The following DHRSX variants were observed in gnomAD, a reference collection of about 807,000 sequenced individuals.
DHRSX encodes dehydrogenase/reductase X-linked.
A neutral mutation model predicts 34.0 loss-of-function variants in DHRSX; 31 were observed. The ratio of observed to expected loss-of-function variants is 0.91; its 90% CI spans 0.69 to 1.23. DHRSX has a LOEUF of 1.23. DHRSX is among the 50% of genes most tolerant of loss of function. DHRSX has a pLI of 0.00. For missense variants in DHRSX, 414 were observed against 428.1 expected (o/e 0.97, Z 0.29); for synonymous variants, 201 against 183.8 (o/e 1.09, Z -0.76).
chrX:2,272,512 C>T (rs35577397), intron 4 of DHRSX, among the ~76,000 whole-genome samples: 4,648 of 152,182 alleles, frequency 0.031, 246 homozygotes, highest in African/African-American at 0.11. Context: ...TGTAGAATGC[C>T]ACAGTGGTGT....
At chrX:2,257,394 G>A (rs1166164624) in intron 5 of DHRSX, among the ~76,000 whole-genome samples, 4 of 152,190 alleles carry the variant, frequency 2.6e-5, no homozygotes, top group Non-Finnish European at 5.9e-5. Flanking sequence ...AATAATTCGG[G>A]GAACACACAT....
chrX:2,410,123 C>T lies in DHRSX; in HGVS notation c.218-1310G>A, dbSNP rs766208487. 3.9e-5 allele frequency among the ~76,000 whole-genome samples: 6 copies of T among 152,152 alleles called. No individual in the cohort carries two copies. The South Asian group carries it at 1.2e-3, about 32-fold the overall frequency. On this transcript the variant is annotated intron_variant, in intron 2 of 6. Coordinates refer to ENST00000334651, the MANE Select transcript of DHRSX (RefSeq NM_145177.3). ...GTCATTTTTTCAAATGTCTTTGACC[C>T]GGGAGGTTGGATTTTAAGGTGTTTC...
Position 2,398,977 on chromosome X carries a change from C to T in DHRSX, c.286+9768G>A, listed in dbSNP as rs930117409. Among the ~76,000 whole-genome samples, 8 of 152,024 alleles carry T rather than the reference C, an allele frequency of 5.3e-5. No homozygotes were observed. In the East Asian group the frequency reaches 7.7e-4, roughly 15 times the overall value. ...ACGCCATTCTCCCACCTCAGCCTCC[C>T]GAGTAGCTGGGACTACAGGCACCCG... On this transcript the variant is annotated intron_variant, in intron 3 of 6. Transcript: ENST00000334651.
chrX:2,413,369 T>C (rs2043655389), intron 2 of DHRSX, among the ~76,000 whole-genome samples: 3 of 152,108 alleles, frequency 2.0e-5, no homozygotes, highest in African/African-American at 7.2e-5. Context: ...TGAACCTGAC[T>C]ATAATTAGTC....
At chrX:2,347,840 G>C (rs1280204245) in intron 3 of DHRSX, among the ~76,000 whole-genome samples, 1 of 152,120 alleles carries the variant, frequency 6.6e-6, no homozygotes, top group Non-Finnish European at 1.5e-5. Context: ...GTCATACATG[G>C]GACATGTAAA....
At chrX:2,389,434 G>T (rs1412071421) in intron 3 of DHRSX, among the ~76,000 whole-genome samples, 1 of 152,198 alleles carries the variant, frequency 6.6e-6, no homozygotes, top group Non-Finnish European at 1.5e-5. Context: ...GGGTGGGTAG[G>T]TAGGTTTCGT....
intron 4 of DHRSX, among the ~76,000 whole-genome samples, chrX:2,276,723 A>T (rs1267524490): frequency 6.6e-6 from 1 of 150,540 alleles, no homozygotes; most frequent in Non-Finnish European, 1.5e-5. Context: ...GATGGGGATG[A>T]AAGGGCAATC....
chrX:2,500,717 G>T (rs1038299154), intron 1 of DHRSX, 100 bp downstream of exon 1: 10 of 173,562 alleles, frequency 5.8e-5, no homozygotes, highest in African/African-American at 3.8e-4. Context: ...GAGCGCCACC[G>T]CCTCGCCAAG....
At chrX:2,277,549 G>GGA (rs201755850) in intron 4 of DHRSX, among the ~76,000 whole-genome samples, 1 of 1,854 alleles carries the variant, frequency 5.4e-4, no homozygotes, top group African/African-American at 1.7e-3. Context: ...GAGGGAACAG[G>GGA]GAGAGAGAGG....
chrX:2,235,144 G>A (rs1422319242), intron 6 of DHRSX, among the ~76,000 whole-genome samples: 1 of 152,190 alleles, frequency 6.6e-6, no homozygotes, highest in Admixed American at 6.5e-5. Flanking sequence ...AGTTTGAAAA[G>A]CAGGCCGTTC....
intron 5 of DHRSX, among the ~76,000 whole-genome samples, chrX:2,246,706 G>GAGAAAGAAAGAAAGAAAGGAAAGAA (rs2016296648): frequency 1.9e-5 from 2 of 107,406 alleles, no homozygotes; most frequent in African/African-American, 6.8e-5. Context: ...AAGAAAGAAA[G>GAGAAAGAAAGAAAGAAAGGAAAGAA]AGAAAGAAAG....
At chrX:2,459,367 G>C (rs1377942181) in intron 1 of DHRSX, among the ~76,000 whole-genome samples, 2 of 151,726 alleles carry the variant, frequency 1.3e-5, no homozygotes, top group East Asian at 3.9e-4. Context: ...ATGTTAATTA[G>C]CTTGATTGTT....
intron 3 of DHRSX, among the ~76,000 whole-genome samples, chrX:2,318,968 C>G (rs987755638): frequency 6.6e-6 from 1 of 152,150 alleles, no homozygotes; most frequent in African/African-American, 2.4e-5. Flanking sequence ...TGTGTGCCCA[C>G]TGACAATGGT....
chrX:2,432,381 G>A (rs2043938330), intron 1 of DHRSX, among the ~76,000 whole-genome samples: 1 of 152,060 alleles, frequency 6.6e-6, no homozygotes, highest in African/African-American at 2.4e-5. Context: ...AAATTGCTGT[G>A]GGGAAAAGAA....
chrX:2,357,993 G>C (rs1341868167), intron 3 of DHRSX, among the ~76,000 whole-genome samples: 1 of 152,120 alleles, frequency 6.6e-6, no homozygotes, highest in Admixed American at 6.6e-5. Context: ...ATTAGAGATT[G>C]GGACAAAAAG....
At chrX:2,423,923 T>C (rs1365549175) in intron 2 of DHRSX, among the ~76,000 whole-genome samples, 1 of 152,190 alleles carries the variant, frequency 6.6e-6, no homozygotes, top group Non-Finnish European at 1.5e-5. Context: ...TAGGTCATGG[T>C]TGCAGAAGAA....
intron 3 of DHRSX, among the ~76,000 whole-genome samples, chrX:2,398,914 G>A (rs1333532169): frequency 2.0e-5 from 3 of 151,978 alleles, no homozygotes; most frequent in South Asian, 2.1e-4. Context: ...GTGCAGTGGC[G>A]CGATCTCGGC....
Position 2,381,052 on chromosome X carries a change from G to A in DHRSX, c.286+27693C>T, listed in dbSNP as rs1439643388. On this transcript the variant is annotated intron_variant, in intron 3 of 6. Transcript: ENST00000334651. ...GGCTAATTTTTGTATTTTTAGTAGA[G>A]ACAGGGTTTCACCATGTTGGCCAGG... Among the ~76,000 whole-genome samples, 11 of 151,946 alleles carry A rather than the reference G, an allele frequency of 7.2e-5. No homozygotes were observed. The East Asian group carries it at 2.2e-3, about 30-fold the overall frequency.
intron 1 of DHRSX, among the ~76,000 whole-genome samples, chrX:2,432,203 AT>A (rs764895097): frequency 3.3e-5 from 5 of 151,960 alleles, no homozygotes; most frequent in Admixed American, 2.0e-4. Context: ...CAAAAAAAAA[AT>A]TTTTTTTAAT....
Sources: allele counts gnomAD v4.1 joint callset (sites outside exome capture counted in the v4.1 genomes callset), GRCh38; gene constraint gnomAD v4.1.1; transcripts MANE v1.5; gene names NCBI Gene and HGNC (gene_info 2026-07-23, HGNC 2026-07-21).